Variants in PPM1H observed in about 807,000 individuals in gnomAD.
The protein encoded by PPM1H is protein phosphatase, Mg2+/Mn2+ dependent 1H.
Under a neutral mutation model 54.9 loss-of-function variants are expected in PPM1H, and 27 were observed. That is an observed-to-expected ratio of 0.49 (90% confidence interval 0.36 to 0.68). The LOEUF is 0.68. Ranked by LOEUF, PPM1H falls within the 30% of genes least tolerant of loss-of-function variation. The probability of loss-of-function intolerance (pLI) is 0.00; values close to 1 mark genes in which losing one functional copy is unlikely to be tolerated. For missense variants in PPM1H, 596 were observed against 667.8 expected (o/e 0.89, Z 1.19); for synonymous variants, 305 against 270.8 (o/e 1.13, Z -1.24).
intron 4 of PPM1H, among the ~76,000 whole-genome samples, chr12:62,787,356 T>G (rs771883354): frequency 6.6e-6 from 1 of 152,226 alleles, no homozygotes; most frequent in Non-Finnish European, 1.5e-5. Context: ...CCTGTACTTT[T>G]ACTACTTTCG....
chr12:62,935,066 C>T lies in PPM1H; in HGVS notation c.-330G>A, dbSNP rs577888439. The stretch of plus-strand genomic sequence containing the variant: ...TCCCTTCCCCGCCCCCTGCGCTCGG[C>T]TCCGGCGTGCGCTGAACTGAGCCCA... On this transcript the variant is annotated 5_prime_UTR_variant, in exon 1 of 10. Coordinates refer to ENST00000228705, the MANE Select transcript of PPM1H (RefSeq NM_020700.2). The T allele has an allele frequency of 5.9e-6, 1 of 170,780 alleles. No homozygotes were observed. The highest frequency in any genetic ancestry group is 1.7e-4 in the East Asian group (1 of 5,932). 10.6% of individuals were successfully genotyped at this position (170,780 alleles called of 1,614,324 possible). A position where few individuals can be genotyped will look rare whatever the true frequency, so the allele number is the denominator to read the frequency against.
At chr12:62,677,601 G>A (rs749070013) in intron 8 of PPM1H, among the ~76,000 whole-genome samples, 1 of 152,276 alleles carries the variant, frequency 6.6e-6, no homozygotes, top group Non-Finnish European at 1.5e-5. Flanking sequence ...GCCGAACCCT[G>A]TACTTGCTTA....
chr12:62,812,685 C>G (rs923437643), intron 2 of PPM1H, among the ~76,000 whole-genome samples: 3 of 151,646 alleles, frequency 2.0e-5, no homozygotes, highest in Non-Finnish European at 4.4e-5. Context: ...TAGACTTTCT[C>G]TACAGTAGGC....
chr12:62,900,907 C>A (rs1333945732), intron 1 of PPM1H, among the ~76,000 whole-genome samples: 1 of 152,144 alleles, frequency 6.6e-6, no homozygotes, highest in African/African-American at 2.4e-5. Flanking sequence ...TTTCTCAATG[C>A]CCCTACATAT....
At chr12:62,815,845 G>A (rs1414719730) in intron 2 of PPM1H, among the ~76,000 whole-genome samples, 1 of 152,060 alleles carries the variant, frequency 6.6e-6, no homozygotes, top group African/African-American at 2.4e-5. Context: ...TCCAATCAGA[G>A]GGCTTTTTTT....
intron 3 of PPM1H, among the ~76,000 whole-genome samples, chr12:62,789,649 C>T (rs1387447162): frequency 1.3e-5 from 2 of 152,202 alleles, no homozygotes; most frequent in East Asian, 1.9e-4. Context: ...CTCAAACTCT[C>T]ATATCGTCCT....
intron 1 of PPM1H, among the ~76,000 whole-genome samples, chr12:62,930,469 T>C (rs1169567749): frequency 6.6e-6 from 1 of 152,238 alleles, no homozygotes; most frequent in Non-Finnish European, 1.5e-5. Flanking sequence ...ATACACAATA[T>C]TGTTGCTCAA....
At chr12:62,658,809 T>G in intron 9 of PPM1H, 1 of 500,554 alleles carries the variant, frequency 2.0e-6, no homozygotes, top group Admixed American at 2.6e-5. Flanking sequence ...GGCCATCTCC[T>G]CCTTGGCATC....
intron 1 of PPM1H, among the ~76,000 whole-genome samples, chr12:62,909,501 A>G (rs1160054748): frequency 6.6e-6 from 1 of 151,954 alleles, no homozygotes; most frequent in Non-Finnish European, 1.5e-5. Context: ...CAACAAGCAT[A>G]TCCCAATCTT....
chr12:62,876,408 C>A (rs1472999517), intron 1 of PPM1H, among the ~76,000 whole-genome samples: 2 of 152,126 alleles, frequency 1.3e-5, no homozygotes, highest in Non-Finnish European at 2.9e-5. Context: ...TTGCTCTATT[C>A]AAGGCAAATC....
At chr12:62,908,420 AAAAAAG>A (rs1871364089) in intron 1 of PPM1H, among the ~76,000 whole-genome samples, 1 of 150,362 alleles carries the variant, frequency 6.7e-6, no homozygotes. Flanking sequence ...AAAAAAAAAA[AAAAAAG>A]AAAGAAAGAA....
intron 6 of PPM1H, among the ~76,000 whole-genome samples, chr12:62,715,254 G>C (rs959645786): frequency 6.6e-6 from 1 of 152,328 alleles, no homozygotes; most frequent in East Asian, 1.9e-4. Context: ...TCAACACAAA[G>C]GGATGGGGAG....
intron 1 of PPM1H, among the ~76,000 whole-genome samples, chr12:62,901,053 G>A (rs1440762171): frequency 1.3e-5 from 2 of 152,184 alleles, no homozygotes; most frequent in African/African-American, 4.8e-5. Context: ...AGAACTTGGA[G>A]AGTCATCCGC....
At chr12:62,704,245 TGA>T (rs1333263670) in intron 6 of PPM1H, among the ~76,000 whole-genome samples, 1 of 152,050 alleles carries the variant, frequency 6.6e-6, no homozygotes, top group Non-Finnish European at 1.5e-5. Context: ...GTCCCCAGGG[TGA>T]GTCTGAAGAG....
chr12:62,721,284 T>C (rs1019848033), intron 5 of PPM1H, among the ~76,000 whole-genome samples: 1 of 152,208 alleles, frequency 6.6e-6, no homozygotes, highest in African/African-American at 2.4e-5. Context: ...AGGTATTAGT[T>C]AGATGGTAGT....
At chr12:62,922,324 G>A (rs1385878168) in intron 1 of PPM1H, among the ~76,000 whole-genome samples, 2 of 134,788 alleles carry the variant, frequency 1.5e-5, no homozygotes, top group Non-Finnish European at 3.1e-5. Flanking sequence ...TTTGTTTATG[G>A]GGATAGGATG....
chr12:62,812,693 G>A (rs1473967830), intron 2 of PPM1H, among the ~76,000 whole-genome samples: 2 of 151,356 alleles, frequency 1.3e-5, no homozygotes, highest in East Asian at 3.9e-4. Context: ...CTCTACAGTA[G>A]GCTCACTATC....
chr12:62,885,939 G>A (rs1870571985), intron 1 of PPM1H, among the ~76,000 whole-genome samples: 1 of 152,122 alleles, frequency 6.6e-6, no homozygotes, highest in South Asian at 2.1e-4. Flanking sequence ...CTTCTCTAAA[G>A]TCACACATCA....
chr12:62,771,500 A>G (rs1453583518), intron 4 of PPM1H, among the ~76,000 whole-genome samples: 3 of 152,190 alleles, frequency 2.0e-5, no homozygotes, highest in African/African-American at 7.2e-5. Context: ...CGCTATCAGA[A>G]AAGTTCACCA....
Sources: allele counts gnomAD v4.1 joint callset (sites outside exome capture counted in the v4.1 genomes callset), GRCh38; gene constraint gnomAD v4.1.1; transcripts MANE v1.5; gene names NCBI Gene and HGNC (gene_info 2026-07-23, HGNC 2026-07-21).